The following GRIK1 variants were observed in gnomAD, a reference collection of about 807,000 sequenced individuals.
GRIK1 encodes the protein glutamate receptor ionotropic, kainate 1.
A neutral mutation model predicts 105.7 loss-of-function variants in GRIK1; 69 were observed. The observed-to-expected ratio is 0.65, with a 90% CI of 0.54 to 0.80. The LOEUF (loss-of-function observed/expected upper bound fraction) is 0.80. Among genes scored for constraint, GRIK1 ranks in the 30% least tolerant of loss-of-function variants. The pLI, the probability that GRIK1 is intolerant of heterozygous loss-of-function variation, is 0.00. For missense variants in GRIK1, 1,109 were observed against 1,167.3 expected (o/e 0.95, Z 0.73); for synonymous variants, 438 against 431.3 (o/e 1.02, Z -0.19).
At chr21:29,891,638 G>A (rs1350496664) in intron 1 of GRIK1, among the ~76,000 whole-genome samples, 5 of 152,150 alleles carry the variant, frequency 3.3e-5, no homozygotes, top group Non-Finnish European at 5.9e-5. Flanking sequence ...TTGTCGGAAC[G>A]TTAGAACACC....
intron 1 of GRIK1, among the ~76,000 whole-genome samples, chr21:29,699,251 G>A (rs2063767752): frequency 6.6e-6 from 1 of 152,194 alleles, no homozygotes. Context: ...TATGTTGCAG[G>A]CCTCACCTCT....
At chr21:29,858,798 C>A (rs974492044) in intron 1 of GRIK1, among the ~76,000 whole-genome samples, 8 of 151,528 alleles carry the variant, frequency 5.3e-5, no homozygotes, top group Non-Finnish European at 1.0e-4. Context: ...ATAGAAAAGC[C>A]CTTCACTCCA....
intron 1 of GRIK1, among the ~76,000 whole-genome samples, chr21:29,789,089 ACCTG>A (rs2066341253): frequency 1.3e-5 from 2 of 152,210 alleles, no homozygotes; most frequent in Non-Finnish European, 2.9e-5. Flanking sequence ...GTTAAACCTT[ACCTG>A]AGACCTGTGC....
At chr21:29,823,297 AT>A (rs1383419689) in intron 1 of GRIK1, among the ~76,000 whole-genome samples, 2 of 152,008 alleles carry the variant, frequency 1.3e-5, no homozygotes, top group Non-Finnish European at 2.9e-5. Context: ...ACACTGATGT[AT>A]TAACTTTAGT....
At chr21:29,796,939 ACT>A (rs374477515) in intron 1 of GRIK1, among the ~76,000 whole-genome samples, 61 of 150,784 alleles carry the variant, frequency 4.0e-4, no homozygotes, top group Admixed American at 1.1e-3. Context: ...ACAGAGGGAG[ACT>A]CTGTCTCAAA....
At chr21:29,933,588 C>T (rs912906904) in intron 1 of GRIK1, among the ~76,000 whole-genome samples, 1 of 152,030 alleles carries the variant, frequency 6.6e-6, no homozygotes, top group African/African-American at 2.4e-5. Flanking sequence ...AATTGTGGAG[C>T]ACAAAACTCT....
chr21:29,546,349 T>A (rs1238599372), intron 16 of GRIK1, among the ~76,000 whole-genome samples: 1 of 152,256 alleles, frequency 6.6e-6, no homozygotes, highest in East Asian at 1.9e-4. Flanking sequence ...ACGCTGTTAT[T>A]CTGCCATTCC....
rs112476306 is a variant in GRIK1, at chr21:29,642,961, C to T, written c.963G>A (p.Ala321=). Residue 321 remains alanine, a synonymous_variant, in exon 7 of 18, where the codon GCG becomes GCA. Transcript: ENST00000327783. The part of the protein sequence containing the change: ...GLLDGMMTTE[A]ALMYDAVYMV... ...TGTACACAGCATCGTACATCAGAGC[C>T]GCTTCAGTCTGTGGAGGAAAACACA... is the stretch of plus-strand genomic sequence containing the variant. 37 of 1,613,504 alleles carry T rather than the reference C, an allele frequency of 2.3e-5. No individual in the cohort carries two copies. Among genetic ancestry groups the T allele is most frequent in the African/African-American group, 1.2e-4 (9 of 75,012 alleles).
chr21:29,601,283 C>T (rs1329047063), intron 7 of GRIK1: 1 of 487,196 alleles, frequency 2.1e-6, no homozygotes, highest in Admixed American at 2.0e-5. Flanking sequence ...ATCATCGATG[C>T]TCTTCGTTCT....
intron 7 of GRIK1, among the ~76,000 whole-genome samples, chr21:29,631,268 A>G (rs1013808855): frequency 1.3e-5 from 2 of 152,230 alleles, no homozygotes; most frequent in Non-Finnish European, 2.9e-5. Flanking sequence ...TTGAAGCCAT[A>G]ACCCCCAATG....
intron 15 of GRIK1, among the ~76,000 whole-genome samples, chr21:29,556,253 C>T (rs2090252893): frequency 6.6e-6 from 1 of 152,176 alleles, no homozygotes; most frequent in South Asian, 2.1e-4. Flanking sequence ...CATAGCTCCG[C>T]CTGTAACCAG....
In GRIK1 at chr21:29,666,361, C is replaced by T. The variant is rs543393664; in HGVS notation, c.726+6622G>A. Among the ~76,000 whole-genome samples the T allele has an allele frequency of 2.6e-5, 4 of 152,250 alleles. No homozygotes were observed. The East Asian group carries it at 7.7e-4, about 29-fold the overall frequency. On this transcript the variant is annotated intron_variant, in intron 4 of 17. Coordinates refer to ENST00000327783, the MANE Select transcript of GRIK1 (RefSeq NM_001330994.2). ...GAGGTTGCAGTGAGCCGAGATCATG[C>T]CATTGCACTCCAGCCTGGGCAACAA...
At chr21:29,747,006 A>G (rs1156455890) in intron 1 of GRIK1, among the ~76,000 whole-genome samples, 1 of 152,194 alleles carries the variant, frequency 6.6e-6, no homozygotes, top group African/African-American at 2.4e-5. Context: ...GCACTGCTGC[A>G]TGGTGTTGTT....
chr21:29,709,571 A>C lies in GRIK1; in HGVS notation c.119-15508T>G, dbSNP rs74462150. 0.016 allele frequency among the ~76,000 whole-genome samples: 2,362 copies of C among 151,852 alleles called. 165 individuals are homozygous for C. In the East Asian group the frequency reaches 0.21, roughly 14 times the overall value. On this transcript the variant is annotated intron_variant, in intron 1 of 17. Coordinates refer to ENST00000327783, the MANE Select transcript of GRIK1 (RefSeq NM_001330994.2). ...GGAATTTTGTTGAGAATATCATTAA[A>C]CTTATAAATATATGGGGAAATATTT... is the stretch of plus-strand genomic sequence containing the variant.
chr21:29,547,583 T>C (rs552195499), intron 16 of GRIK1, among the ~76,000 whole-genome samples: 2 of 152,246 alleles, frequency 1.3e-5, no homozygotes, highest in Non-Finnish European at 2.9e-5. Context: ...AAACCTGAGT[T>C]CTTGGCATGT....
chr21:29,792,570 G>A (rs768991183), intron 1 of GRIK1, among the ~76,000 whole-genome samples: 3 of 152,184 alleles, frequency 2.0e-5, no homozygotes, highest in Non-Finnish European at 4.4e-5. Context: ...AATGTATGCT[G>A]AATGGACAAA....
intron 1 of GRIK1, among the ~76,000 whole-genome samples, chr21:29,863,417 C>CA (rs2068706652): frequency 1.3e-5 from 2 of 152,008 alleles, no homozygotes; most frequent in African/African-American, 2.4e-5. Context: ...GCTCACTGTA[C>CA]AAAAAAAGAG....
intron 1 of GRIK1, among the ~76,000 whole-genome samples, chr21:29,756,142 G>A (rs1569054128): frequency 6.6e-6 from 1 of 152,220 alleles, no homozygotes; most frequent in East Asian, 1.9e-4. Context: ...AGCACTTTGG[G>A]AGGCCGAGGC....
rs928345556 is a variant in GRIK1, at chr21:29,619,158, G to T, written c.1099-20221C>A. ...AAAAAAAAAAAGAATGATACAATGGGTTGGGCACGATGCCTCACGCCTGTA... is the reference window on the plus strand; with the variant it reads ...AAAAAAAAAAAGAATGATACAATGGTTTGGGCACGATGCCTCACGCCTGTA... On this transcript the variant is annotated intron_variant, in intron 7 of 17. Transcript: ENST00000327783. Among the ~76,000 whole-genome samples the T allele has an allele frequency of 4.8e-5, 7 of 146,988 alleles. No individual in the cohort carries two copies. The Admixed American group carries it at 4.8e-4, about 10-fold the overall frequency.
Sources: gnomAD v4.1 joint callset for allele counts (sites outside exome capture counted in the v4.1 genomes callset) on GRCh38, gnomAD v4.1.1 for gene constraint, MANE v1.5 for transcripts, NCBI Gene and HGNC (gene_info 2026-07-23, HGNC 2026-07-21) for gene names.